LYST: variants seen among roughly 807,000 people sequenced by gnomAD.
LYST encodes lysosomal-trafficking regulator.
Under a neutral mutation model 413.6 loss-of-function variants are expected in LYST, and 192 were observed. The observed-to-expected ratio is 0.46, with a 90% confidence interval of 0.41 to 0.52. LYST has a LOEUF of 0.52. Among genes scored for constraint, LYST ranks in the 20% least tolerant of loss-of-function variants. The probability of loss-of-function intolerance (pLI) is 0.00; values close to 1 mark genes in which losing one functional copy is unlikely to be tolerated. For missense variants in LYST, 3,815 were observed against 4,499.9 expected, an observed-to-expected ratio of 0.85 and a Z score of 4.35; for synonymous variants, 1,525 against 1,567.3, an observed-to-expected ratio of 0.97 and a Z score of 0.64.
intron 31 of LYST, chr1:235,737,338 A>G (rs1664907088): frequency 6.6e-6 from 1 of 152,198 alleles, no homozygotes; most frequent in South Asian, 2.1e-4. Context: ...CAAATAAAAG[A>G]ATCCAAGAAA....
chr1:235,834,035 A>C lies in LYST; in HGVS notation c.-97-368T>G, dbSNP rs578158577. On this transcript the variant is annotated intron_variant, in intron 1 of 52. Coordinates refer to ENST00000389793, the MANE Select transcript of LYST (RefSeq NM_000081.4). ...ATCACGACAAAAAGGTTTTCAACTC[A>C]GAGTTCCTAGGTACAGCCATTACTT... 1.8e-4 allele frequency among the ~76,000 whole-genome samples: 28 copies of C among 152,356 alleles called. No individual in the cohort carries two copies. The South Asian group carries it at 4.6e-3, about 25-fold the overall frequency.
intron 48 of LYST, among the ~76,000 whole-genome samples, chr1:235,678,463 C>G (rs1447014967): frequency 6.6e-6 from 1 of 152,156 alleles, no homozygotes; most frequent in Non-Finnish European, 1.5e-5. Flanking sequence ...AGCTTGCAAA[C>G]TGGTGCTCTG....
At chr1:235,758,865 G>T in intron 23 of LYST, 107 bp downstream of exon 23, 1 of 928,992 alleles carries the variant, frequency 1.1e-6, no homozygotes, top group Non-Finnish European at 1.7e-6. Flanking sequence ...AAACTTTTCT[G>T]TTTGTTGTAT....
chr1:235,848,693 ATAC>A (rs1678175095), intron 1 of LYST, among the ~76,000 whole-genome samples: 1 of 152,164 alleles, frequency 6.6e-6, no homozygotes, highest in Non-Finnish European at 1.5e-5. Context: ...GAAATGGGAG[ATAC>A]TACAACTGAC....
chr1:235,713,152 G>C, intron 42 of LYST: 1 of 984,210 alleles, frequency 1.0e-6, no homozygotes, highest in African/African-American at 1.7e-5. Flanking sequence ...GAGTCAATTG[G>C]CATTGGCTGG....
At chr1:235,874,437 G>A (rs1681056001) in intron 1 of LYST, among the ~76,000 whole-genome samples, 3 of 152,178 alleles carry the variant, frequency 2.0e-5, no homozygotes, top group South Asian at 2.1e-4. Flanking sequence ...CTGGAGCAGC[G>A]CGGAGGGACA....
rs1397787382 is a variant in LYST at position 235,832,555 on chromosome 1, TATTTA to T, written c.-8+1018_-8+1022del. The stretch of plus-strand genomic sequence containing the variant: ...GTGTATATACATGATTACTTGCTTT[TATTTA>T]ATTTAGATATATTGAAAAACATTTC... On this transcript the variant is annotated intron_variant, in intron 2 of 52. Coordinates refer to ENST00000389793, the MANE Select transcript of LYST (RefSeq NM_000081.4). Among the ~76,000 whole-genome samples, 3 of 152,322 alleles carry T rather than the reference TATTTA, an allele frequency of 2.0e-5. No homozygotes were observed. In the East Asian group the frequency reaches 5.8e-4, roughly 29 times the overall value.
intron 30 of LYST, among the ~76,000 whole-genome samples, chr1:235,742,942 T>C (rs1306079700): frequency 6.6e-6 from 1 of 152,188 alleles, no homozygotes; most frequent in African/African-American, 2.4e-5. Context: ...TTTATTAAAG[T>C]ATATTGTTAT....
intron 38 of LYST, among the ~76,000 whole-genome samples, chr1:235,727,124 CTT>C (rs763736405): frequency 6.7e-5 from 9 of 135,068 alleles, no homozygotes; most frequent in Admixed American, 1.5e-4. Flanking sequence ...TTCTTTCTTT[CTT>C]TTTTTTTTTT....
rs1673122738 is a variant in LYST, at chr1:235,808,575, T to C, written c.2243A>G (p.His748Arg). 1 of 1,614,024 alleles carries C rather than the reference T, an allele frequency of 6.2e-7. No individual in the cohort carries two copies. Among genetic ancestry groups the C allele is most frequent in the Non-Finnish European group, 8.5e-7 (1 of 1,179,944 alleles). ...VLQRGVELAH[H>R]CQHLSVTSAQ... ...TGAAGTAACGCTTAGGTGTTGACAA[T>C]GATGTGCTAATTCAACTCCTCTTTG... Residue 748 changes from histidine to arginine, a missense_variant, in exon 5 of 53, where the codon CAT becomes CGT. By Grantham distance (29) the His-to-Arg change is conservative (BLOSUM62 0). Coordinates refer to ENST00000389793, the MANE Select transcript of LYST (RefSeq NM_000081.4).
chr1:235,720,388 G>C (rs889171465), intron 40 of LYST, among the ~76,000 whole-genome samples: 1 of 151,966 alleles, frequency 6.6e-6, no homozygotes, highest in Non-Finnish European at 1.5e-5. Context: ...CTGTGGTTGA[G>C]ATGTTCTATT....
chr1:235,869,462 A>C (rs1680834419), upstream of LYST, among the ~76,000 whole-genome samples: 1 of 151,306 alleles, frequency 6.6e-6, no homozygotes, highest in Non-Finnish European at 1.5e-5. Flanking sequence ...AAAGAGCGAG[A>C]CTCCGTCTCA....
chr1:235,862,952 T>C (rs1236882509), intron 1 of LYST, among the ~76,000 whole-genome samples: 2 of 152,260 alleles, frequency 1.3e-5, no homozygotes, highest in South Asian at 2.1e-4. Flanking sequence ...GATTCTACAA[T>C]GGCAAAGGTG....
At chr1:235,775,893 TG>T (rs912914789) in intron 17 of LYST, among the ~76,000 whole-genome samples, 1 of 152,138 alleles carries the variant, frequency 6.6e-6, no homozygotes, top group African/African-American at 2.4e-5. Flanking sequence ...ATTTTATTTT[TG>T]TAGGGGAGGA....
chr1:235,811,176 G>C (rs1271749344), intron 4 of LYST, among the ~76,000 whole-genome samples: 1 of 152,048 alleles, frequency 6.6e-6, no homozygotes, highest in African/African-American at 2.4e-5. Context: ...AGAGAACAGA[G>C]TTAAGAAAGT....
At chr1:235,771,622 T>C (rs1668683983) in intron 19 of LYST, among the ~76,000 whole-genome samples, 1 of 152,074 alleles carries the variant, frequency 6.6e-6, no homozygotes, top group Admixed American at 6.6e-5. Context: ...TCTGAAAGTA[T>C]ATATTTATTC....
chr1:235,863,234 CA>C (rs1680109511), intron 1 of LYST, among the ~76,000 whole-genome samples: 1 of 151,444 alleles, frequency 6.6e-6, no homozygotes, highest in African/African-American at 2.4e-5. Context: ...CTGCTAAAAA[CA>C]CAAAAAATCA....
chr1:235,764,116 G>A (rs1667864116), intron 21 of LYST, among the ~76,000 whole-genome samples: 1 of 152,006 alleles, frequency 6.6e-6, no homozygotes, highest in African/African-American at 2.4e-5. Flanking sequence ...CCTTTACCTG[G>A]AAGGCCCTTT....
intron 50 of LYST, among the ~76,000 whole-genome samples, chr1:235,666,590 G>GCACACACACACACACATA (rs1463035422): frequency 1.3e-5 from 1 of 74,534 alleles, no homozygotes; most frequent in East Asian, 3.1e-4. Context: ...AGACACACAT[G>GCACACACACACACACATA]CACACACACA....
Sources: allele counts gnomAD v4.1 joint callset (sites outside exome capture counted in the v4.1 genomes callset), GRCh38; gene constraint gnomAD v4.1.1; transcripts MANE v1.5; gene names NCBI Gene and HGNC (gene_info 2026-07-23, HGNC 2026-07-21).